CNTN5: variants seen among roughly 807,000 people sequenced by gnomAD.
CNTN5 encodes contactin 5, also known as contactin-5.
Under a neutral mutation model 129.1 loss-of-function variants are expected in CNTN5, and 77 were observed. The observed-to-expected ratio is 0.60, with a 90% confidence interval of 0.50 to 0.72. The LOEUF (loss-of-function observed/expected upper bound fraction) is 0.72, where lower values mean the gene tolerates loss of function less well. Ranked by LOEUF, CNTN5 falls within the 30% of genes least tolerant of loss-of-function variation. The pLI is 0.00. For synonymous variants in CNTN5, 509 were observed against 465.6 expected (o/e 1.09, Z -1.20); for missense variants, 1,478 against 1,328.8 (o/e 1.11, Z -1.75).
At chr11:99,935,276 C>A (rs1457227047) in intron 7 of CNTN5, among the ~76,000 whole-genome samples, 1 of 151,484 alleles carries the variant, frequency 6.6e-6, no homozygotes, top group Non-Finnish European at 1.5e-5. Flanking sequence ...TTTCTTAGTT[C>A]CCCCAAGAAT....
At chr11:99,465,460 CTA>C (rs1401568460) in intron 2 of CNTN5, among the ~76,000 whole-genome samples, 2 of 151,904 alleles carry the variant, frequency 1.3e-5, no homozygotes, top group Admixed American at 6.6e-5. Context: ...TATATTTAAT[CTA>C]GTTTCATTAT....
chr11:99,370,785 A>G (rs1309484199), intron 2 of CNTN5, among the ~76,000 whole-genome samples: 1 of 152,224 alleles, frequency 6.6e-6, no homozygotes, highest in East Asian at 1.9e-4. Flanking sequence ...CAGTTTGTAA[A>G]AGACTCTCGT....
chr11:100,192,104 G>T (rs2138508137), intron 14 of CNTN5, among the ~76,000 whole-genome samples: 1 of 152,000 alleles, frequency 6.6e-6, no homozygotes, highest in South Asian at 2.1e-4. Flanking sequence ...AGAAAGAAAA[G>T]AACAAAATGT....
chr11:99,915,367 A>G (rs996210200), intron 6 of CNTN5, among the ~76,000 whole-genome samples: 2 of 152,132 alleles, frequency 1.3e-5, no homozygotes, highest in Non-Finnish European at 2.9e-5. Context: ...AATGCAACAT[A>G]GTTTAAGGGA....
At chr11:99,879,781 T>A (rs1003879987) in intron 6 of CNTN5, among the ~76,000 whole-genome samples, 1 of 152,154 alleles carries the variant, frequency 6.6e-6, no homozygotes, top group Non-Finnish European at 1.5e-5. Context: ...TTGCAAATTA[T>A]ATAAAAGAAA....
chr11:99,440,954 G>T (rs1276178768), intron 2 of CNTN5, among the ~76,000 whole-genome samples: 1 of 152,016 alleles, frequency 6.6e-6, no homozygotes, highest in African/African-American at 2.4e-5. Flanking sequence ...TAACAGAGCT[G>T]GTAAGACAAT....
intron 17 of CNTN5, among the ~76,000 whole-genome samples, chr11:100,265,020 C>T (rs1950274377): frequency 6.6e-6 from 1 of 152,022 alleles, no homozygotes. Context: ...TTGTTGGCCA[C>T]ATAAATGTCT....
At chr11:99,814,644 G>A (rs80347503) in intron 3 of CNTN5, among the ~76,000 whole-genome samples, 45 of 152,186 alleles carry the variant, frequency 3.0e-4, no homozygotes, top group East Asian at 2.5e-3. Context: ...GTAAGGTTAC[G>A]AATTATGAAC....
intron 13 of CNTN5, among the ~76,000 whole-genome samples, chr11:100,154,611 A>C (rs190918254): frequency 6.6e-6 from 1 of 152,106 alleles, no homozygotes; most frequent in Non-Finnish European, 1.5e-5. Context: ...GTCTTCCACA[A>C]TGGTTGAATG....
At chr11:100,156,691 A>T (rs1245228360) in intron 13 of CNTN5, among the ~76,000 whole-genome samples, 1 of 152,034 alleles carries the variant, frequency 6.6e-6, no homozygotes, top group Non-Finnish European at 1.5e-5. Context: ...CTATTCAGGG[A>T]TTCAACTTCT....
intron 6 of CNTN5, among the ~76,000 whole-genome samples, chr11:99,880,056 A>G (rs77729069): frequency 5.0e-4 from 76 of 152,358 alleles, no homozygotes; most frequent in Admixed American, 7.8e-4. Context: ...CTCCCCGTTC[A>G]CTATTCTTGA....
chr11:99,961,134 G>C (rs1309870552), intron 8 of CNTN5, among the ~76,000 whole-genome samples: 1 of 150,298 alleles, frequency 6.7e-6, no homozygotes, highest in African/African-American at 2.4e-5. Context: ...GAACCCGGGA[G>C]GCGGATGCTG....
chr11:100,317,202 T>C (rs1480859831), intron 21 of CNTN5, among the ~76,000 whole-genome samples: 1 of 152,218 alleles, frequency 6.6e-6, no homozygotes, highest in Non-Finnish European at 1.5e-5. Flanking sequence ...ACTCTAATCA[T>C]TAGAGAAGGA....
intron 1 of CNTN5, among the ~76,000 whole-genome samples, chr11:99,114,051 G>A (rs1857924530): frequency 6.6e-6 from 1 of 152,098 alleles, no homozygotes; most frequent in Non-Finnish European, 1.5e-5. Flanking sequence ...CATAGTCCTT[G>A]TCAGTAGTGA....
chr11:100,029,687 G>T (rs1468717211), intron 9 of CNTN5, among the ~76,000 whole-genome samples: 2 of 152,170 alleles, frequency 1.3e-5, no homozygotes, highest in East Asian at 3.9e-4. Flanking sequence ...AATTGAGACT[G>T]ACTGTGGAGT....
chr11:99,298,420 A>G (rs1177405917), intron 1 of CNTN5, among the ~76,000 whole-genome samples: 1 of 152,170 alleles, frequency 6.6e-6, no homozygotes, highest in Non-Finnish European at 1.5e-5. Flanking sequence ...GCAGTCTGTG[A>G]GTGGTTGAAG....
At chr11:99,193,261 T>C (rs1858736953) in intron 1 of CNTN5, among the ~76,000 whole-genome samples, 1 of 152,142 alleles carries the variant, frequency 6.6e-6, no homozygotes, top group East Asian at 1.9e-4. Context: ...ACATAGCAAA[T>C]TTGAAAAATA....
intron 1 of CNTN5, among the ~76,000 whole-genome samples, chr11:99,273,156 C>G (rs756666363): frequency 6.6e-5 from 10 of 151,584 alleles, no homozygotes; most frequent in Non-Finnish European, 1.3e-4. Context: ...ATGAGGCGAG[C>G]GGTCTAAATG....
intron 3 of CNTN5, among the ~76,000 whole-genome samples, chr11:99,737,817 A>G (rs1052129769): frequency 1.3e-5 from 2 of 152,154 alleles, no homozygotes; most frequent in African/African-American, 4.8e-5. Flanking sequence ...TAGAACGAGT[A>G]CAGTGTTTTA....
Sources: gnomAD v4.1 joint callset for allele counts (sites outside exome capture counted in the v4.1 genomes callset) on GRCh38, gnomAD v4.1.1 for gene constraint, MANE v1.5 for transcripts, NCBI Gene and HGNC (gene_info 2026-07-23, HGNC 2026-07-21) for gene names.